Variants in SOX5 observed in about 807,000 individuals in gnomAD.
The protein encoded by SOX5 is transcription factor SOX-5.
Under a neutral mutation model 92.0 loss-of-function variants are expected in SOX5, and 9 were observed. That is an observed-to-expected ratio of 0.10 (90% CI 0.06 to 0.17). The LOEUF is 0.17. Among genes scored for constraint, SOX5 ranks in the 10% least tolerant of loss-of-function variants. The probability of loss-of-function intolerance (pLI) is 1.00; values close to 1 mark genes in which losing one functional copy is unlikely to be tolerated. For missense variants in SOX5, 642 were observed against 944.5 expected (o/e 0.68, Z 4.20); for synonymous variants, 344 against 336.3 (o/e 1.02, Z -0.25).
intron 4 of SOX5, among the ~76,000 whole-genome samples, chr12:23,962,600 A>G (rs1440019943): frequency 6.6e-6 from 1 of 152,188 alleles, no homozygotes; most frequent in African/African-American, 2.4e-5. Flanking sequence ...GGAACTCTTT[A>G]TTAATTTTAT....
At position 24,077,037 on chromosome 12, in the gene SOX5, T is replaced by C. The variant is rs149082178; in HGVS notation, c.-2+136306A>G. Among the ~76,000 whole-genome samples the C allele has an allele frequency of 3.5e-3, 535 of 152,250 alleles. 1 individual carries two copies. Among genetic ancestry groups the C allele is most frequent in the Middle Eastern group, 0.01 (3 of 294 alleles). The stretch of plus-strand genomic sequence containing the variant: ...GAGTGAAGGTCAAATGTTTTAAAAC[T>C]CTTTGACACAGGAAGAATTAGCCAA... On this transcript the variant is annotated intron_variant, in intron 4 of 4. Transcript: ENST00000446891.
At chr12:24,406,555 A>C (rs1322391190) in intron 1 of SOX5, among the ~76,000 whole-genome samples, 2 of 152,202 alleles carry the variant, frequency 1.3e-5, no homozygotes, top group East Asian at 3.8e-4. Context: ...TGAAGAGAGG[A>C]AAAAATGACA....
chr12:24,179,443 T>C (rs1025142040), intron 4 of SOX5, among the ~76,000 whole-genome samples: 14 of 152,196 alleles, frequency 9.2e-5, no homozygotes, highest in African/African-American at 3.4e-4. Flanking sequence ...GATACTCCCT[T>C]GAGATGATAG....
At chr12:23,961,384 C>T in intron 4 of SOX5, among the ~76,000 whole-genome samples, 1 of 152,114 alleles carries the variant, frequency 6.6e-6, no homozygotes, top group East Asian at 1.9e-4. Context: ...GCCTGGCCTC[C>T]TTACCCAGCC....
chr12:23,657,295 T>C (rs879014722), intron 7 of SOX5, among the ~76,000 whole-genome samples: 10 of 152,172 alleles, frequency 6.6e-5, no homozygotes, highest in Non-Finnish European at 1.3e-4. Context: ...TATTCTTTCA[T>C]CATGTTTAAG....
chr12:24,222,405 G>A (rs1219189124), intron 3 of SOX5, among the ~76,000 whole-genome samples: 1 of 152,094 alleles, frequency 6.6e-6, no homozygotes, highest in Non-Finnish European at 1.5e-5. Flanking sequence ...CGGAGGTTTT[G>A]CCAGTGGACT....
At chr12:23,937,845 T>C (rs1458990190) in intron 1 of SOX5, among the ~76,000 whole-genome samples, 1 of 150,980 alleles carries the variant, frequency 6.6e-6, no homozygotes, top group Non-Finnish European at 1.5e-5. Context: ...CCTATGGTTT[T>C]TCTAAGGTAC....
chr12:24,376,740 A>T lies in SOX5; in HGVS notation c.-250-8101T>A, dbSNP rs867350404. Among the ~76,000 whole-genome samples the T allele has an allele frequency of 3.6e-5, 4 of 110,268 alleles. 1 individual carries two copies. Among genetic ancestry groups the T allele is most frequent in the African/African-American group, 1.1e-4 (3 of 28,292 alleles). The allele number at this position is 110,268 out of a possible 152,430, so 72.3% of individuals were successfully genotyped here. A position where few individuals can be genotyped will look rare whatever the true frequency, so the allele number is the denominator to read the frequency against. On this transcript the variant is annotated intron_variant, in intron 1 of 4. Coordinates refer to the SOX5 transcript ENST00000446891. ...TTTTTTTTTTTTTTTACAGAGTCTC[A>T]CTGTCACCCAGGCTGGAGTATAGTG...
At chr12:24,265,865 T>C (rs1280295816) in intron 3 of SOX5, among the ~76,000 whole-genome samples, 2 of 152,196 alleles carry the variant, frequency 1.3e-5, no homozygotes, top group Admixed American at 6.5e-5. Context: ...GTAAAATTAA[T>C]ATTGCATCAT....
intron 4 of SOX5, among the ~76,000 whole-genome samples, chr12:24,073,448 T>C (rs1014823993): frequency 2.0e-5 from 3 of 152,238 alleles, no homozygotes; most frequent in Admixed American, 2.0e-4. Context: ...AATGACTAAG[T>C]GCTGGGGACA....
At chr12:23,977,987 C>T (rs898041254) in intron 4 of SOX5, among the ~76,000 whole-genome samples, 1 of 152,154 alleles carries the variant, frequency 6.6e-6, no homozygotes, top group African/African-American at 2.4e-5. Flanking sequence ...CTTGAAACAA[C>T]CTGTTCACAA....
intron 1 of SOX5, among the ~76,000 whole-genome samples, chr12:24,392,679 T>C (rs950699749): frequency 1.1e-4 from 16 of 152,168 alleles, no homozygotes; most frequent in Non-Finnish European, 2.1e-4. Flanking sequence ...TTTCCATCTC[T>C]ACCCCTAGAA....
chr12:24,097,023 T>A (rs1945504393), intron 4 of SOX5, among the ~76,000 whole-genome samples: 1 of 152,178 alleles, frequency 6.6e-6, no homozygotes, highest in African/African-American at 2.4e-5. Context: ...TTTCTCCACA[T>A]CCTTACCAAT....
chr12:23,767,211 CAG>C (rs1012570843), intron 3 of SOX5, among the ~76,000 whole-genome samples: 10 of 114,620 alleles, frequency 8.7e-5, no homozygotes, highest in Non-Finnish European at 1.2e-4. Flanking sequence ...CTCAAAAAAA[CAG>C]AAACACACAC....
chr12:24,026,298 C>A (rs557069861), intron 4 of SOX5, among the ~76,000 whole-genome samples: 1 of 151,864 alleles, frequency 6.6e-6, no homozygotes, highest in East Asian at 1.9e-4. Flanking sequence ...ATTAGATATT[C>A]CGAGTATAAA....
At chr12:24,445,126 C>T (rs977866459) in intron 1 of SOX5, among the ~76,000 whole-genome samples, 8 of 152,070 alleles carry the variant, frequency 5.3e-5, no homozygotes, top group African/African-American at 1.7e-4. Flanking sequence ...CAAGTACTTA[C>T]AAGTAAGTTA....
At chr12:24,358,364 T>A (rs902426072) in intron 2 of SOX5, among the ~76,000 whole-genome samples, 1 of 152,246 alleles carries the variant, frequency 6.6e-6, no homozygotes, top group Non-Finnish European at 1.5e-5. Flanking sequence ...CATTAGTGAT[T>A]ACAGTATTAA....
At chr12:24,251,674 C>T (rs2728839) in intron 3 of SOX5, among the ~76,000 whole-genome samples, 74,797 of 151,074 alleles carry the variant, frequency 0.5, 20,876 homozygotes, top group East Asian at 0.87. Flanking sequence ...TGGGTTCAAG[C>T]GATTCTCCTG....
intron 2 of SOX5, among the ~76,000 whole-genome samples, chr12:23,849,300 T>G (rs1028773363): frequency 1.3e-5 from 2 of 152,216 alleles, no homozygotes; most frequent in South Asian, 4.1e-4. Context: ...TAATATTCAA[T>G]CTATCAGACA....
Sources: allele counts gnomAD v4.1 joint callset (sites outside exome capture counted in the v4.1 genomes callset), GRCh38; gene constraint gnomAD v4.1.1; transcripts MANE v1.5; gene names NCBI Gene and HGNC (gene_info 2026-07-23, HGNC 2026-07-21).